Variants in GRM8 observed in about 807,000 individuals in gnomAD.
The protein encoded by GRM8 is glutamate metabotropic receptor 8.
In GRM8, 47 loss-of-function variants were observed where a neutral mutation model predicts 87.2. That is an observed-to-expected ratio of 0.54 (90% CI 0.43 to 0.69). The LOEUF (loss-of-function observed/expected upper bound fraction) is 0.69, where lower values mean the gene tolerates loss of function less well. GRM8 is among the 30% of genes least tolerant of loss of function. The pLI is 0.00. For synonymous variants in GRM8, 396 were observed against 404.5 expected (o/e 0.98, Z 0.25); for missense variants, 1,019 against 1,139.2 (o/e 0.89, Z 1.52).
At chr7:126,486,305 C>T (rs146829867) in intron 9 of GRM8, among the ~76,000 whole-genome samples, 3 of 152,148 alleles carry the variant, frequency 2.0e-5, no homozygotes, top group Non-Finnish European at 4.4e-5. Context: ...ATTTAAATGT[C>T]GTTTCCACTC....
chr7:127,181,289 A>T (rs1274647350), intron 2 of GRM8, among the ~76,000 whole-genome samples: 1 of 152,118 alleles, frequency 6.6e-6, no homozygotes, highest in African/African-American at 2.4e-5. Context: ...CACCTAACCA[A>T]GGGGTCAAAA....
chr7:126,540,698 C>T (rs557189053), intron 8 of GRM8, among the ~76,000 whole-genome samples: 3 of 152,244 alleles, frequency 2.0e-5, no homozygotes, highest in African/African-American at 7.2e-5. Context: ...ACTAATATTG[C>T]ATGTTTTTAT....
intron 3 of GRM8, among the ~76,000 whole-genome samples, chr7:126,931,980 T>A (rs958903481): frequency 6.6e-6 from 1 of 152,204 alleles, no homozygotes; most frequent in Non-Finnish European, 1.5e-5. Flanking sequence ...CTACTTACTA[T>A]GCTAATTAAC....
intron 2 of GRM8, among the ~76,000 whole-genome samples, chr7:127,141,281 T>C (rs1828242830): frequency 6.6e-6 from 1 of 151,514 alleles, no homozygotes; most frequent in South Asian, 2.1e-4. Context: ...CAGGTCCAGA[T>C]CTTGGCTCAT....
chr7:126,958,838 C>G (rs1216812126), intron 3 of GRM8, among the ~76,000 whole-genome samples: 1 of 152,232 alleles, frequency 6.6e-6, no homozygotes, highest in African/African-American at 2.4e-5. Flanking sequence ...CTTCCCCGCT[C>G]TCAATCTCAT....
At chr7:126,532,930 A>C in intron 9 of GRM8, 22 bp downstream of exon 9, 1 of 1,449,368 alleles carries the variant, frequency 6.9e-7, no homozygotes, top group South Asian at 1.2e-5. Context: ...AAAAGTTGTC[A>C]AGTGTATTTC....
intron 6 of GRM8, among the ~76,000 whole-genome samples, chr7:126,878,607 C>T (rs1406035711): frequency 6.6e-6 from 1 of 151,162 alleles, no homozygotes; most frequent in Admixed American, 6.6e-5. Flanking sequence ...GCAACCTCCA[C>T]TTCCCGGGTT....
intron 9 of GRM8, among the ~76,000 whole-genome samples, chr7:126,464,124 C>T (rs756602996): frequency 1.3e-5 from 2 of 151,516 alleles, no homozygotes; most frequent in Non-Finnish European, 3.0e-5. Flanking sequence ...TTTTTCTTAT[C>T]AACTTTAGCT....
chr7:126,527,917 C>G (rs1392390799), intron 9 of GRM8, among the ~76,000 whole-genome samples: 2 of 152,142 alleles, frequency 1.3e-5, no homozygotes, highest in Non-Finnish European at 2.9e-5. Context: ...TTTAAGAAAA[C>G]ACTTTCAGGC....
At chr7:126,952,835 G>C (rs899877820) in intron 3 of GRM8, among the ~76,000 whole-genome samples, 5 of 152,044 alleles carry the variant, frequency 3.3e-5, no homozygotes, top group Non-Finnish European at 7.4e-5. Context: ...ACAGATTTCA[G>C]GAGACTAAGG....
chr7:126,746,268 C>T (rs1407962672), intron 7 of GRM8, among the ~76,000 whole-genome samples: 1 of 151,638 alleles, frequency 6.6e-6, no homozygotes, highest in African/African-American at 2.4e-5. Flanking sequence ...TGCCATAGTA[C>T]TCATATTACT....
At chr7:126,907,817 T>C (rs1802871975) in intron 3 of GRM8, among the ~76,000 whole-genome samples, 1 of 152,096 alleles carries the variant, frequency 6.6e-6, no homozygotes, top group East Asian at 1.9e-4. Flanking sequence ...CAAGGAGGTA[T>C]TGGAATAGGC....
At chr7:126,826,442 G>C (rs1563223539) in intron 6 of GRM8, among the ~76,000 whole-genome samples, 1 of 152,124 alleles carries the variant, frequency 6.6e-6, no homozygotes, top group African/African-American at 2.4e-5. Context: ...TCTCATTGTG[G>C]TTTTGATTTG....
intron 7 of GRM8, among the ~76,000 whole-genome samples, chr7:126,611,194 T>C (rs1476780569): frequency 1.3e-5 from 2 of 152,200 alleles, no homozygotes; most frequent in African/African-American, 4.8e-5. Context: ...AGCTACTCCT[T>C]ATATATGGAA....
At chr7:126,838,806 A>C (rs1159306720) in intron 6 of GRM8, among the ~76,000 whole-genome samples, 9 of 152,334 alleles carry the variant, frequency 5.9e-5, no homozygotes, top group Admixed American at 5.2e-4. Context: ...GGCTCACATC[A>C]TATAAGCAAC....
chr7:126,865,316 C>T (rs1798493365), intron 6 of GRM8, among the ~76,000 whole-genome samples: 1 of 152,154 alleles, frequency 6.6e-6, no homozygotes, highest in African/African-American at 2.4e-5. Context: ...CCTTTGATGT[C>T]ACATCAGTTC....
intron 3 of GRM8, among the ~76,000 whole-genome samples, chr7:126,933,108 A>C (rs1362249228): frequency 6.6e-6 from 1 of 152,206 alleles, no homozygotes; most frequent in African/African-American, 2.4e-5. Context: ...AGAAAGACCC[A>C]TCCTCTCACA....
chr7:127,065,448 T>C (rs1399156943), intron 3 of GRM8, among the ~76,000 whole-genome samples: 1 of 152,176 alleles, frequency 6.6e-6, no homozygotes, highest in Non-Finnish European at 1.5e-5. Context: ...TGAAATAGTA[T>C]GTACAACAAA....
chr7:126,811,938 A>G (rs1227323130), intron 6 of GRM8, among the ~76,000 whole-genome samples: 2 of 151,930 alleles, frequency 1.3e-5, no homozygotes, highest in African/African-American at 4.8e-5. Context: ...GTATTGTTCC[A>G]GTTCTTAGAA....
Sources: allele counts gnomAD v4.1 joint callset (sites outside exome capture counted in the v4.1 genomes callset), GRCh38; gene constraint gnomAD v4.1.1; transcripts MANE v1.5; gene names NCBI Gene and HGNC (gene_info 2026-07-23, HGNC 2026-07-21).